The following MCM10 variants were observed in gnomAD, a reference collection of about 807,000 sequenced individuals.
The protein encoded by MCM10 is minichromosome maintenance 10 replication initiation factor.
Under a neutral mutation model 109.9 loss-of-function variants are expected in MCM10, and 91 were observed. The observed-to-expected ratio is 0.83, with a 90% CI of 0.70 to 0.99. The LOEUF is 0.99. MCM10 is among the 50% of genes least tolerant of loss of function. The pLI, the probability that MCM10 is intolerant of heterozygous loss-of-function variation, is 0.00. For synonymous variants in MCM10, 380 were observed against 387.2 expected (o/e 0.98, Z 0.22); for missense variants, 1,077 against 1,061.2 (o/e 1.01, Z -0.21).
Position 13,164,114 on chromosome 10 carries a change from T to C in MCM10, c.-75-14T>C. On this transcript the variant is annotated splice_polypyrimidine_tract_variant and intron_variant, in intron 1 of 19. Coordinates refer to ENST00000378714, the MANE Select transcript of MCM10 (RefSeq NM_018518.5). Reference sequence around the variant, plus strand: ...AGAATTGAAAGTGACATTTCTAATATTGCTTTCACACAGCCAAGATTCTAC... The same window carrying C: ...AGAATTGAAAGTGACATTTCTAATACTGCTTTCACACAGCCAAGATTCTAC... 8.7e-7 allele frequency: 1 copy of C among 1,153,832 alleles called. No individual in the cohort carries two copies. The highest frequency in any genetic ancestry group is 1.6e-5 in the South Asian group (1 of 62,258). The allele number at this position is 1,153,832 out of a possible 1,614,324, so 71.5% of individuals were successfully genotyped here. A position where few individuals can be genotyped will look rare whatever the true frequency, so the allele number is the denominator to read the frequency against.
intron 6 of MCM10, among the ~76,000 whole-genome samples, chr10:13,176,279 T>A (rs1834140296): frequency 1.3e-5 from 2 of 152,252 alleles, no homozygotes; most frequent in Admixed American, 6.5e-5. Flanking sequence ...ATAATAGGAA[T>A]ATATTCCAAG....
Position 13,204,240 on chromosome 10 carries a change from C to A in MCM10, c.2374C>A (p.Leu792Met), listed in dbSNP as rs763351686. ...CKTCAYTHFK[L>M]LETCVSEQHE... ...GCAGTGCGCCTATACCCACTTCAAG[C>A]TGCTGGAGACCTGCGTCAGTGAGCA... The change falls in exon 18 of 20, where the codon CTG (leucine) becomes ATG (methionine). Residue 792 changes from leucine (L) to methionine (M), a missense_variant. Coordinates refer to ENST00000378714, the MANE Select transcript of MCM10 (RefSeq NM_018518.5). 8 of 1,614,048 alleles carry A rather than the reference C, an allele frequency of 5.0e-6. No individual in the cohort carries two copies. In the African/African-American group the frequency reaches 1.1e-4, roughly 22 times the overall value.
At chr10:13,207,398 T>A (rs991183604) in intron 18 of MCM10, among the ~76,000 whole-genome samples, 11 of 152,134 alleles carry the variant, frequency 7.2e-5, no homozygotes, top group African/African-American at 2.7e-4. Flanking sequence ...GCTACCAGAG[T>A]TCTCTTCATT....
intron 13 of MCM10, among the ~76,000 whole-genome samples, chr10:13,194,551 A>C (rs184816418): frequency 1.2e-4 from 19 of 152,248 alleles, no homozygotes; most frequent in African/African-American, 4.1e-4. Context: ...GTCTCAAAAA[A>C]ATCAAAAAAA....
intron 6 of MCM10, among the ~76,000 whole-genome samples, chr10:13,177,508 CTTTT>C (rs60316855): frequency 1.9e-5 from 2 of 105,264 alleles, no homozygotes; most frequent in South Asian, 3.3e-4. Flanking sequence ...GATTTTGGAG[CTTTT>C]TTTTTTTTTT....
intron 16 of MCM10, among the ~76,000 whole-genome samples, chr10:13,199,048 A>G (rs1254887550): frequency 6.6e-6 from 1 of 152,104 alleles, no homozygotes; most frequent in Non-Finnish European, 1.5e-5. Context: ...GGTGCCTGCC[A>G]CCACACGAAG....
chr10:13,186,221 C>G lies in MCM10; in HGVS notation c.1156C>G (p.Leu386Val). ...KVLIMGEALD[L>V]GTCKAKKKNG... ...CTTAATTATGGGTGAAGCTCTTGAC[C>G]TGGGAACCTGTAAAGCCAAGAAGAA... The change falls in exon 9 of 20, where the codon CTG becomes GTG. Residue 386 changes from leucine to valine, a missense_variant. Physicochemically the swap from Leu to Val is conservative, Grantham distance 32. Coordinates refer to ENST00000378714, the MANE Select transcript of MCM10 (RefSeq NM_018518.5). 1 of 1,613,374 alleles carries G rather than the reference C, an allele frequency of 6.2e-7. No homozygotes were observed. The highest frequency in any genetic ancestry group is 1.1e-5 in the South Asian group (1 of 91,056).
At position 13,203,198 on chromosome 10, in the gene MCM10, A is replaced by G. The variant is rs546262647; in HGVS notation, c.2353-1021A>G. 3.9e-5 allele frequency among the ~76,000 whole-genome samples: 6 copies of G among 152,182 alleles called. No homozygotes were observed. In the South Asian group the frequency reaches 8.3e-4, roughly 21 times the overall value. Reference sequence around the variant, plus strand: ...TAGGTCAGAAGTCTGTAGGGCTACAATCAGGGTGTAGCCAGGGCCAGGTTT... The same window carrying G: ...TAGGTCAGAAGTCTGTAGGGCTACAGTCAGGGTGTAGCCAGGGCCAGGTTT... On this transcript the variant is annotated intron_variant, in intron 17 of 19. Transcript: ENST00000378714.
At chr10:13,192,411 G>A (rs758191734) in intron 12 of MCM10, 40 bp from the exon 13 acceptor site, 1 of 1,613,194 alleles carries the variant, frequency 6.2e-7, no homozygotes, top group Non-Finnish European at 8.5e-7. Context: ...TGTTCCCTCA[G>A]CCTCCCAGGG....
rs1834083683 is a variant in MCM10, at chr10:13,172,240, C to G, written c.350-136C>G. ...TTGAAGTACCAAAGTTAATCATGAG[C>G]TTTGGGTATGTGATTATATTGTGGG... is the stretch of plus-strand genomic sequence containing the variant. On this transcript the variant is annotated intron_variant, in intron 3 of 19. Transcript: ENST00000378714. This position sits in a 1 kb window ranked among gnomAD's most constrained non-coding sequence, Gnocchi z 5.2. 1.5e-6 allele frequency: 1 copy of G among 668,892 alleles called. No homozygotes were observed. Among genetic ancestry groups the G allele is most frequent in the East Asian group, 2.5e-5 (1 of 39,492 alleles). 41.4% of individuals were successfully genotyped at this position (668,892 alleles called of 1,614,324 possible). A position where few individuals can be genotyped will look rare whatever the true frequency, so the allele number is the denominator to read the frequency against.
intron 10 of MCM10, among the ~76,000 whole-genome samples, chr10:13,190,846 G>A (rs774992135): frequency 6.6e-6 from 1 of 151,996 alleles, no homozygotes; most frequent in Admixed American, 6.6e-5. Flanking sequence ...TTTTTCTCAT[G>A]TATTTTCAGT....
chr10:13,201,690 G>A (rs1834502564), intron 17 of MCM10, 156 bp downstream of exon 17: 2 of 609,238 alleles, frequency 3.3e-6, no homozygotes, highest in African/African-American at 3.7e-5. Context: ...CCAGGACCCG[G>A]CTTCCTGCCT....
rs75790329 is a variant in MCM10 at position 13,195,316 on chromosome 10, A to G, written c.1974+47A>G. 1,200 of 1,445,486 alleles carry G rather than the reference A, an allele frequency of 8.3e-4. 9 individuals carry two copies. In the African/African-American group the frequency reaches 0.013, roughly 15 times the overall value. 89.5% of individuals were successfully genotyped at this position (1,445,486 alleles called of 1,614,324 possible). A position where few individuals can be genotyped will look rare whatever the true frequency, so the allele number is the denominator to read the frequency against. On this transcript the variant is annotated intron_variant, in intron 14 of 19. Transcript: ENST00000378714. ...TAGCACTTGAGTTTGCATTCTGTAG[A>G]GCAGAGCTGGAGGAAAGACAGACAC...
chr10:13,164,083 AAG>A, intron 1 of MCM10, 43 bp from the exon 2 acceptor site: 2 of 810,264 alleles, frequency 2.5e-6, no homozygotes, highest in Non-Finnish European at 3.8e-6. Context: ...TTGTGAGAGA[AAG>A]AGAAGAATTG....
rs564888031 is a variant in MCM10, at chr10:13,198,058, G to A, written c.2119+291G>A. Among the ~76,000 whole-genome samples, 8 of 152,044 alleles carry A rather than the reference G, an allele frequency of 5.3e-5. No homozygotes were observed. In the South Asian group the frequency reaches 6.2e-4, roughly 12 times the overall value. Reference sequence around the variant, plus strand: ...CTCACGAGTAAGTGGGACTACAAGCGCGCGCCACCACGCCCAGCTAATTTT... The same window carrying A: ...CTCACGAGTAAGTGGGACTACAAGCACGCGCCACCACGCCCAGCTAATTTT... On this transcript the variant is annotated intron_variant, in intron 15 of 19. Coordinates refer to ENST00000378714, the MANE Select transcript of MCM10 (RefSeq NM_018518.5).
chr10:13,192,421 G>A (rs1421608953), intron 12 of MCM10, 30 bp from the exon 13 acceptor site: 2 of 1,613,052 alleles, frequency 1.2e-6, no homozygotes, highest in Non-Finnish European at 1.7e-6. Context: ...GCCTCCCAGG[G>A]CACCCCCTCA....
chr10:13,204,634 T>C (rs1341953270), intron 18 of MCM10: 2 of 334,812 alleles, frequency 6.0e-6, no homozygotes, highest in Non-Finnish European at 1.1e-5. Flanking sequence ...AATCATAGGG[T>C]GAGGTGGTAA....
chr10:13,210,634 C>A lies in MCM10; in HGVS notation c.*1324C>A, dbSNP rs893285361. 6.6e-6 allele frequency: 1 copy of A among 152,132 alleles called. No individual in the cohort carries two copies. The highest frequency in any genetic ancestry group is 6.6e-5 in the Admixed American group (1 of 15,264). 9.4% of individuals were successfully genotyped at this position (152,132 alleles called of 1,614,324 possible). ...TACATGCCTTAGATTTCATAAAATTCTGCTCTAATTGGGTGGAAGGTGCTG... is the reference window on the plus strand; with the variant it reads ...TACATGCCTTAGATTTCATAAAATTATGCTCTAATTGGGTGGAAGGTGCTG... On this transcript the variant is annotated 3_prime_UTR_variant, in exon 20 of 20. Transcript: ENST00000378714.
intron 13 of MCM10, among the ~76,000 whole-genome samples, chr10:13,194,059 T>C (rs1383552462): frequency 6.7e-6 from 1 of 148,656 alleles, no homozygotes; most frequent in East Asian, 1.9e-4. Flanking sequence ...GGGTTTGTTA[T>C]TTGTTTTTAA....
Sources: allele counts gnomAD v4.1 joint callset (sites outside exome capture counted in the v4.1 genomes callset), GRCh38; gene constraint gnomAD v4.1.1; non-coding constraint Gnocchi (gnomAD v3.1); transcripts MANE v1.5; gene names NCBI Gene and HGNC (gene_info 2026-07-23, HGNC 2026-07-21).